KCNMB2: variants seen among roughly 807,000 people sequenced by gnomAD.
KCNMB2 encodes the protein potassium calcium-activated channel subfamily M regulatory beta subunit 2, also known as calcium-activated potassium channel subunit beta-2.
KCNMB2 carries 9 observed loss-of-function variants against 24.5 expected under a neutral mutation model. The observed-to-expected ratio is 0.37, with a 90% CI of 0.22 to 0.64. KCNMB2 has a LOEUF of 0.64. KCNMB2 is among the 30% of genes least tolerant of loss of function. The pLI is 0.63. For synonymous variants in KCNMB2, 109 were observed against 104.4 expected (o/e 1.04, Z -0.27); for missense variants, 226 against 284.3 (o/e 0.79, Z 1.47).
chr3:178,726,184 T>C (rs990840241), intron 1 of KCNMB2, among the ~76,000 whole-genome samples: 1 of 151,976 alleles, frequency 6.6e-6, no homozygotes, highest in Non-Finnish European at 1.5e-5. Context: ...TCAAGTAGAA[T>C]GTAAAACTCT....
intron 1 of KCNMB2, among the ~76,000 whole-genome samples, chr3:178,666,749 C>T (rs933132158): frequency 6.6e-6 from 1 of 152,118 alleles, no homozygotes; most frequent in Non-Finnish European, 1.5e-5. Flanking sequence ...CCAGCGTTTC[C>T]TGTGAGCAGC....
At chr3:178,618,760 C>A (rs1178445859) in intron 1 of KCNMB2, among the ~76,000 whole-genome samples, 1 of 152,028 alleles carries the variant, frequency 6.6e-6, no homozygotes, top group African/African-American at 2.4e-5. Context: ...TGAATTTAGC[C>A]TCAGATAGAG....
At chr3:178,835,487 A>T (rs1715192245) in intron 4 of KCNMB2, among the ~76,000 whole-genome samples, 1 of 151,692 alleles carries the variant, frequency 6.6e-6, no homozygotes, top group Non-Finnish European at 1.5e-5. Flanking sequence ...CAAAAGTTCA[A>T]AATATATTTG....
At position 178,687,245 on chromosome 3, in the gene KCNMB2, T is replaced by G. The variant is rs544518564; in HGVS notation, c.-67-120098T>G. ...AAAAAAAAGCTGACCCTGATTTACT[T>G]TCACATGACTGGAATGAACTGCATG... On this transcript the variant is annotated intron_variant, in intron 1 of 4. Transcript: ENST00000452583. 2.1e-4 allele frequency among the ~76,000 whole-genome samples: 32 copies of G among 152,262 alleles called. 2 individuals carry two copies. In the South Asian group the frequency reaches 6.7e-3, roughly 32 times the overall value.
intron 1 of KCNMB2, among the ~76,000 whole-genome samples, chr3:178,648,765 AG>A (rs1720007868): frequency 6.6e-6 from 1 of 152,136 alleles, no homozygotes; most frequent in African/African-American, 2.4e-5. Flanking sequence ...AGTCTGTTAA[AG>A]ATTTTTTGGT....
intron 3 of KCNMB2, among the ~76,000 whole-genome samples, 167 bp from the exon 4 acceptor site, chr3:178,828,011 T>G (rs568719080): frequency 6.6e-6 from 1 of 152,360 alleles, no homozygotes; most frequent in Admixed American, 6.5e-5. Flanking sequence ...TACGGTAGTT[T>G]GCTTAAAGCT....
chr3:178,722,884 C>A (rs1468756671), intron 1 of KCNMB2, among the ~76,000 whole-genome samples: 1 of 151,966 alleles, frequency 6.6e-6, no homozygotes, highest in Non-Finnish European at 1.5e-5. Flanking sequence ...CAGAGCAAGA[C>A]CCTGTCTTAA....
chr3:178,618,746 C>T (rs1005212002), intron 1 of KCNMB2, among the ~76,000 whole-genome samples: 6 of 152,064 alleles, frequency 3.9e-5, no homozygotes, highest in Non-Finnish European at 7.4e-5. Context: ...AGTTTATTCT[C>T]TTGTGAATTT....
chr3:178,686,702 T>C (rs1281376523), intron 1 of KCNMB2, among the ~76,000 whole-genome samples: 2 of 152,340 alleles, frequency 1.3e-5, no homozygotes, highest in East Asian at 1.9e-4. Flanking sequence ...AGTCCATGTC[T>C]GTATATGGTG....
intron 1 of KCNMB2, among the ~76,000 whole-genome samples, chr3:178,556,571 A>AT (rs1417910455): frequency 6.6e-6 from 1 of 151,910 alleles, no homozygotes; most frequent in Non-Finnish European, 1.5e-5. Context: ...CGCCCAGCTA[A>AT]TTTTTTTGTA....
At chr3:178,614,301 G>GTATA (rs1294967816) in intron 1 of KCNMB2, among the ~76,000 whole-genome samples, 1 of 57,986 alleles carries the variant, frequency 1.7e-5, no homozygotes. Context: ...ATATATGTAT[G>GTATA]TATATATATG....
chr3:178,596,263 A>G (rs183161525), intron 1 of KCNMB2, among the ~76,000 whole-genome samples: 1 of 152,036 alleles, frequency 6.6e-6, no homozygotes, highest in East Asian at 1.9e-4. Context: ...CCTATCCTCA[A>G]TAATGATAGT....
chr3:178,690,802 G>A (rs568915375), intron 1 of KCNMB2, among the ~76,000 whole-genome samples: 1 of 152,246 alleles, frequency 6.6e-6, no homozygotes. Flanking sequence ...ACTAAAGGTT[G>A]GAATGAAACT....
chr3:178,709,985 C>T (rs1056706319), intron 1 of KCNMB2, among the ~76,000 whole-genome samples: 1 of 152,094 alleles, frequency 6.6e-6, no homozygotes, highest in African/African-American at 2.4e-5. Context: ...GCAATTTATA[C>T]CGAGCACTTA....
chr3:178,638,652 T>C (rs1560143087), intron 1 of KCNMB2, among the ~76,000 whole-genome samples: 1 of 152,204 alleles, frequency 6.6e-6, no homozygotes, highest in Non-Finnish European at 1.5e-5. Flanking sequence ...TAGTGTCTTG[T>C]ATATATTTTG....
intron 4 of KCNMB2, among the ~76,000 whole-genome samples, chr3:178,832,587 C>T (rs1715092008): frequency 1.2e-5 from 1 of 80,544 alleles, no homozygotes; most frequent in Non-Finnish European, 2.3e-5. Flanking sequence ...TCATTGTATC[C>T]CCTACATGTC....
At chr3:178,782,788 T>C (rs1712920914) in intron 1 of KCNMB2, among the ~76,000 whole-genome samples, 2 of 149,274 alleles carry the variant, frequency 1.3e-5, no homozygotes, top group African/African-American at 2.4e-5. Context: ...AGAAGCTCTT[T>C]AGTTTAATTA....
intron 1 of KCNMB2, among the ~76,000 whole-genome samples, chr3:178,572,728 A>G (rs905984118): frequency 6.6e-6 from 1 of 152,242 alleles, no homozygotes; most frequent in Non-Finnish European, 1.5e-5. Flanking sequence ...GACATTATTC[A>G]TCCAGACTCA....
At chr3:178,682,848 T>TA (rs1721316154) in intron 1 of KCNMB2, among the ~76,000 whole-genome samples, 2 of 151,284 alleles carry the variant, frequency 1.3e-5, no homozygotes, top group African/African-American at 4.9e-5. Flanking sequence ...TGGCTATTAC[T>TA]AAAAAGTCAA....
Sources: gnomAD v4.1 joint callset for allele counts (sites outside exome capture counted in the v4.1 genomes callset) on GRCh38, gnomAD v4.1.1 for gene constraint, MANE v1.5 for transcripts, NCBI Gene and HGNC (gene_info 2026-07-23, HGNC 2026-07-21) for gene names.